The following FOXN1 variants were observed in gnomAD, a reference collection of about 807,000 sequenced individuals.
The protein encoded by FOXN1 is forkhead box N1.
FOXN1 carries 15 observed loss-of-function variants against 49.0 expected under a neutral mutation model. That is an observed-to-expected ratio of 0.31 (90% CI 0.20 to 0.47). The LOEUF (loss-of-function observed/expected upper bound fraction) is 0.47, where lower values mean the gene tolerates loss of function less well. FOXN1 is among the 20% of genes least tolerant of loss of function. FOXN1 has a pLI of 1.00. For missense variants in FOXN1, 800 were observed against 842.8 expected (o/e 0.95, Z 0.63); for synonymous variants, 356 against 369.0 (o/e 0.96, Z 0.40).
chr17:28,512,054 G>T (rs892706118), intron 1 of FOXN1, among the ~76,000 whole-genome samples: 1 of 152,164 alleles, frequency 6.6e-6, no homozygotes, highest in East Asian at 1.9e-4. Flanking sequence ...CCGGGCCACA[G>T]GGACCCAGAG....
chr17:28,521,749 A>G (rs1299201116), intron 1 of FOXN1, among the ~76,000 whole-genome samples: 4 of 152,024 alleles, frequency 2.6e-5, no homozygotes, highest in Non-Finnish European at 5.9e-5. Context: ...GGCAAATCCT[A>G]TGGGACTTTG....
intron 8 of FOXN1, among the ~76,000 whole-genome samples, chr17:28,536,733 G>A (rs952260783): frequency 1.6e-4 from 25 of 152,144 alleles, no homozygotes; most frequent in East Asian, 3.9e-4. Flanking sequence ...GTACACTGCC[G>A]GAAGCTGCTT....
At chr17:28,530,608 T>A (rs1262315186) in intron 5 of FOXN1, 141 bp from the exon 6 acceptor site, 12 of 681,508 alleles carry the variant, frequency 1.8e-5, no homozygotes, top group Non-Finnish European at 2.7e-5. Flanking sequence ...CTGACTTCCG[T>A]GCTCACTTCA....
Position 28,537,511 on chromosome 17 carries a change from C to A in FOXN1, c.*75C>A. ...GGCCGGCCGCCCACATCGGGCTCAC[C>A]TTAAAGGTCAAGGAAGGAAAATACT... On this transcript the variant is annotated 3_prime_UTR_variant, in exon 9 of 9. Coordinates refer to ENST00000579795, the MANE Select transcript of FOXN1 (RefSeq NM_001369369.1). 2 of 1,197,118 alleles carry A rather than the reference C, an allele frequency of 1.7e-6. No homozygotes were observed. The highest frequency in any genetic ancestry group is 2.5e-6 in the Non-Finnish European group (2 of 810,102). 74.2% of individuals were successfully genotyped at this position (1,197,118 alleles called of 1,614,324 possible).
At chr17:28,521,722 C>A (rs1467588618) in intron 1 of FOXN1, among the ~76,000 whole-genome samples, 1 of 152,254 alleles carries the variant, frequency 6.6e-6, no homozygotes, top group Non-Finnish European at 1.5e-5. Flanking sequence ...CACCACTGAT[C>A]CCCTGTGGGA....
chr17:28,532,669 A>G (rs2069940885), intron 6 of FOXN1, among the ~76,000 whole-genome samples: 1 of 152,206 alleles, frequency 6.6e-6, no homozygotes, highest in Non-Finnish European at 1.5e-5. Context: ...CTGGGCAAGG[A>G]TAGACTGGAC....
At chr17:28,509,420 A>C (rs1481606693) in intron 1 of FOXN1, among the ~76,000 whole-genome samples, 3 of 150,050 alleles carry the variant, frequency 2.0e-5, no homozygotes, top group African/African-American at 7.4e-5. Context: ...TCCTATCCCC[A>C]TCTCCACCTC....
intron 8 of FOXN1, among the ~76,000 whole-genome samples, chr17:28,536,267 G>T (rs2070062213): frequency 1.3e-5 from 2 of 152,232 alleles, no homozygotes; most frequent in African/African-American, 4.8e-5. Context: ...GGGGAGCAGG[G>T]CTCAATCAGC....
chr17:28,518,391 G>A (rs1486574382), intron 1 of FOXN1, among the ~76,000 whole-genome samples: 1 of 152,332 alleles, frequency 6.6e-6, no homozygotes, highest in Middle Eastern at 3.4e-3. Context: ...ACTCCTAAAC[G>A]GCCCCCTCTG....
In FOXN1 at chr17:28,537,551, C is replaced by A; in HGVS notation, c.*115C>A. On this transcript the variant is annotated 3_prime_UTR_variant, in exon 9 of 9. Transcript: ENST00000579795. ...AGGAAAATACTACCTGTCCCCTATG[C>A]CACTAAGCCAACGTGTGTGTCAGCT... 1 of 807,010 alleles carries A rather than the reference C, an allele frequency of 1.2e-6. No homozygotes were observed. The highest frequency in any genetic ancestry group is 2.1e-6 in the Non-Finnish European group (1 of 478,584). 50.0% of individuals were successfully genotyped at this position (807,010 alleles called of 1,614,324 possible).
rs765318294 is a variant in FOXN1, at chr17:28,529,207, A to G, written c.813A>G (p.Lys271=). The stretch of plus-strand genomic sequence containing the variant: ...ATGGGCACCAGCCTCTCTTCCCAAA[A>G]CCCATCTATTCCTACAGGTACATTT... ...STDGHQPLFP[K]PIYSYSILIF... is the part of the protein sequence containing the mutation. The change falls in exon 5 of 9, where the codon AAA becomes AAG. Residue 271 remains lysine (K), a synonymous_variant. Transcript: ENST00000579795. 4 of 1,614,036 alleles carry G rather than the reference A, an allele frequency of 2.5e-6. 1 individual carries two copies. The South Asian group carries it at 3.3e-5, about 13-fold the overall frequency.
At position 28,535,127 on chromosome 17, in the gene FOXN1, T is replaced by A. The variant is rs34814444; in HGVS notation, c.1556T>A (p.Leu519Gln). The stretch of plus-strand genomic sequence containing the variant: ...CCAGCCAGGACTATGCACGACACCC[T>A]GCTGCCAGATGGAGACCTTGGCACT... ...PSPARTMHDTLLPDGDLGTDL... is the reference protein window; with the variant it reads ...PSPARTMHDTQLPDGDLGTDL... Residue 519 changes from leucine (L) to glutamine (Q), a missense_variant, in exon 8 of 9, where the codon CTG (leucine) becomes CAG (glutamine). Around this residue, in one of 3 missense-constraint regions of FOXN1, gnomAD observed 344 missense variants for 366.1 expected, o/e 0.94. Coordinates refer to ENST00000579795, the MANE Select transcript of FOXN1 (RefSeq NM_001369369.1). 537 of 1,609,614 alleles carry A rather than the reference T, an allele frequency of 3.3e-4. 2 individuals are homozygous for A. In the African/African-American group the frequency reaches 6.4e-3, roughly 19 times the overall value.
chr17:28,510,275 T>C (rs1266540377), intron 1 of FOXN1, among the ~76,000 whole-genome samples: 1 of 151,092 alleles, frequency 6.6e-6, no homozygotes, highest in Non-Finnish European at 1.5e-5. Context: ...GAGACACACA[T>C]ACACACAGAG....
intron 2 of FOXN1, among the ~76,000 whole-genome samples, 154 bp from the exon 3 acceptor site, chr17:28,524,349 G>A (rs1207616302): frequency 5.1e-4 from 6 of 11,828 alleles, no homozygotes; most frequent in Admixed American, 2.4e-3. Context: ...TCATGAAATC[G>A]GGGCCAAGGG....
chr17:28,508,100 C>G (rs1476550101), intron 1 of FOXN1, among the ~76,000 whole-genome samples: 2 of 152,226 alleles, frequency 1.3e-5, no homozygotes, highest in African/African-American at 4.8e-5. Flanking sequence ...CCAGGCCCGG[C>G]GCCTCACTCA....
At position 28,514,317 on chromosome 17, in the gene FOXN1, G is replaced by C. The variant is rs1436142012; in HGVS notation, c.-15+7874G>C. On this transcript the variant is annotated intron_variant, in intron 1 of 8. Transcript: ENST00000579795. Reference sequence around the variant, plus strand: ...CTTTGTTCTCCCCACTCCCCTCCCTGCCCATTCTGTCCCTACCTGCTCTGT... The same window carrying C: ...CTTTGTTCTCCCCACTCCCCTCCCTCCCCATTCTGTCCCTACCTGCTCTGT... Among the ~76,000 whole-genome samples, 8 of 152,232 alleles carry C rather than the reference G, an allele frequency of 5.3e-5. No homozygotes were observed. In the East Asian group the frequency reaches 9.7e-4, roughly 18 times the overall value.
chr17:28,537,635 C>A lies in FOXN1; in HGVS notation c.*199C>A. The A allele has an allele frequency of 1.6e-6, 1 of 635,184 alleles. No homozygotes were observed. The highest frequency in any genetic ancestry group is 2.9e-6 in the Non-Finnish European group (1 of 349,444). 39.3% of individuals were successfully genotyped at this position (635,184 alleles called of 1,614,324 possible). A position where few individuals can be genotyped will look rare whatever the true frequency, so the allele number is the denominator to read the frequency against. ...TGCTGCCTCTCACACATTTCTGCCACGTGGTGGCCCAGCTCCTCACCCAGG... is the reference window on the plus strand; with the variant it reads ...TGCTGCCTCTCACACATTTCTGCCAAGTGGTGGCCCAGCTCCTCACCCAGG... On this transcript the variant is annotated 3_prime_UTR_variant, in exon 9 of 9. Transcript: ENST00000579795.
chr17:28,517,786 C>T (rs2069553726), intron 1 of FOXN1, among the ~76,000 whole-genome samples: 1 of 141,558 alleles, frequency 7.1e-6, no homozygotes, highest in Non-Finnish European at 1.5e-5. Flanking sequence ...GGATCCATAC[C>T]TCCACAGGGT....
chr17:28,516,492 C>T (rs1271898511), intron 1 of FOXN1, among the ~76,000 whole-genome samples: 1 of 151,288 alleles, frequency 6.6e-6, no homozygotes, highest in Non-Finnish European at 1.5e-5. Flanking sequence ...GTACACACCT[C>T]CACAGGATCC....
Sources: gnomAD v4.1 joint callset for allele counts (sites outside exome capture counted in the v4.1 genomes callset) on GRCh38, gnomAD v4.1.1 for gene constraint, gnomAD v4.1.1 regional missense constraint, MANE v1.5 for transcripts, NCBI Gene and HGNC (gene_info 2026-07-23, HGNC 2026-07-21) for gene names.